The following LDLRAD4 variants were observed in gnomAD, a reference collection of about 807,000 sequenced individuals.
LDLRAD4 encodes the protein low-density lipoprotein receptor class A domain-containing protein 4.
A neutral mutation model predicts 17.0 loss-of-function variants in LDLRAD4; 5 were observed. The ratio of observed to expected loss-of-function variants is 0.29; its 90% CI spans 0.15 to 0.62. The LOEUF is 0.62. Ranked by LOEUF, LDLRAD4 falls within the 20% of genes least tolerant of loss-of-function variation. The pLI, the probability that LDLRAD4 is intolerant of heterozygous loss-of-function variation, is 0.84. For missense variants in LDLRAD4, 340 were observed against 424.7 expected (o/e 0.80, Z 1.75); for synonymous variants, 168 against 171.8 (o/e 0.98, Z 0.17).
At position 13,398,073 on chromosome 18, in the gene LDLRAD4, A is replaced by C. The variant is rs1435109749; in HGVS notation, c.40+10311A>C. ...GACCCTCCTTGAGGACGCAGTGGCC[A>C]GTGGGGGCCACCATGTCAGGGTTGA... is the stretch of plus-strand genomic sequence containing the variant. On this transcript the variant is annotated intron_variant, in intron 2 of 5. Transcript: ENST00000359446. The surrounding 1 kb of genome is among the most constrained non-coding windows in gnomAD (Gnocchi z 4.8). Among the ~76,000 whole-genome samples, 2 of 152,202 alleles carry C rather than the reference A, an allele frequency of 1.3e-5. No homozygotes were observed. The highest frequency in any genetic ancestry group is 4.8e-5 in the African/African-American group (2 of 41,456).
At chr18:13,413,306 T>G (rs962549583) in intron 2 of LDLRAD4, among the ~76,000 whole-genome samples, 3 of 152,254 alleles carry the variant, frequency 2.0e-5, no homozygotes, top group Non-Finnish European at 4.4e-5. Context: ...ACGTGTTCAC[T>G]ACTCACTGAC....
chr18:13,219,742 C>T (rs1241759207), intron 1 of LDLRAD4, among the ~76,000 whole-genome samples: 1 of 152,196 alleles, frequency 6.6e-6, no homozygotes, highest in African/African-American at 2.4e-5. Flanking sequence ...GCCCTTTCTG[C>T]CGGTTTGGCT....
chr18:13,463,438 C>T (rs1236130041), intron 3 of LDLRAD4, among the ~76,000 whole-genome samples: 3 of 152,242 alleles, frequency 2.0e-5, no homozygotes, highest in African/African-American at 7.2e-5. Context: ...GCATTCCCTT[C>T]GTTGCCCTAA....
chr18:13,299,912 C>T (rs2146547631), intron 1 of LDLRAD4, among the ~76,000 whole-genome samples: 1 of 152,258 alleles, frequency 6.6e-6, no homozygotes, highest in African/African-American at 2.4e-5. Context: ...GTGACGTCTG[C>T]ATTGGTGGTG....
At chr18:13,373,929 C>T (rs1599754795) in intron 1 of LDLRAD4, among the ~76,000 whole-genome samples, 2 of 152,036 alleles carry the variant, frequency 1.3e-5, no homozygotes, top group Admixed American at 6.6e-5. Context: ...GTGTACAGTT[C>T]CATTCTTCTT....
At chr18:13,287,387 G>A (rs998988052) in intron 1 of LDLRAD4, among the ~76,000 whole-genome samples, 3 of 152,130 alleles carry the variant, frequency 2.0e-5, no homozygotes, top group Admixed American at 6.5e-5. Flanking sequence ...ACTTTTTAAC[G>A]TTTAGCCCAG....
chr18:13,310,369 G>T (rs966277892), intron 1 of LDLRAD4, among the ~76,000 whole-genome samples: 3 of 151,656 alleles, frequency 2.0e-5, no homozygotes, highest in African/African-American at 7.3e-5. Flanking sequence ...AAAAAAAAAA[G>T]GGAGATATTG....
Position 13,627,864 on chromosome 18 carries a change from G to A in LDLRAD4, c.336+6593G>A, listed in dbSNP as rs533908975. On this transcript the variant is annotated intron_variant, in intron 4 of 5. Transcript: ENST00000359446. ...CGGTGGCCAGAGGGCAGACGGTCCTGGGCAGGTGTCTGACAGCCAGGAGCC... is the reference window on the plus strand; with the variant it reads ...CGGTGGCCAGAGGGCAGACGGTCCTAGGCAGGTGTCTGACAGCCAGGAGCC... Among the ~76,000 whole-genome samples, 54 of 152,338 alleles carry A rather than the reference G, an allele frequency of 3.5e-4. 1 individual carries two copies. Among genetic ancestry groups the A allele is most frequent in the African/African-American group, 1.2e-3 (50 of 41,580 alleles).
chr18:13,477,805 C>T (rs570744246), intron 3 of LDLRAD4, among the ~76,000 whole-genome samples: 1 of 152,318 alleles, frequency 6.6e-6, no homozygotes, highest in South Asian at 2.1e-4. Context: ...GATGCAGGCC[C>T]TGCTGACAGG....
At chr18:13,503,045 T>TA (rs1189213163) in intron 3 of LDLRAD4, among the ~76,000 whole-genome samples, 1 of 152,228 alleles carries the variant, frequency 6.6e-6, no homozygotes, top group African/African-American at 2.4e-5. Context: ...CTGATGGTAT[T>TA]ACATGGAATT....
At chr18:13,610,804 C>T (rs905603605) in intron 3 of LDLRAD4, among the ~76,000 whole-genome samples, 1 of 152,090 alleles carries the variant, frequency 6.6e-6, no homozygotes, top group Admixed American at 6.5e-5. Context: ...CTGAAGCTGC[C>T]TCTTTCTGAG....
chr18:13,468,896 TG>T (rs1371684747), intron 3 of LDLRAD4, among the ~76,000 whole-genome samples: 2 of 151,512 alleles, frequency 1.3e-5, no homozygotes, highest in African/African-American at 4.8e-5. Context: ...ATATACCTAA[TG>T]TTAAATGACG....
chr18:13,258,375 T>A (rs1298975079), intron 1 of LDLRAD4, among the ~76,000 whole-genome samples: 7 of 152,058 alleles, frequency 4.6e-5, no homozygotes, highest in Non-Finnish European at 1.0e-4. Context: ...TTTTTTTTTT[T>A]CTTTTGTTAG....
Position 13,439,813 on chromosome 18 carries a change from C to T in LDLRAD4, c.181+1429C>T, listed in dbSNP as rs183017810. ...ATGAGCAGGCAGCAGGCCAGAGGGT[C>T]GGGAGCCCTGAGGAACCCTGCTTGT... On this transcript the variant is annotated intron_variant, in intron 3 of 5. Coordinates refer to ENST00000359446, the Ensembl canonical transcript of LDLRAD4. Among the ~76,000 whole-genome samples the T allele has an allele frequency of 1.1e-4, 16 of 152,274 alleles. No individual in the cohort carries two copies. The East Asian group carries it at 2.7e-3, about 26-fold the overall frequency.
intron 5 of LDLRAD4, chr18:13,644,850 TC>T: frequency 2.3e-6 from 1 of 435,426 alleles, no homozygotes; most frequent in South Asian, 3.8e-5. Flanking sequence ...GCACAGAAAC[TC>T]CCAGGAGCCC....
At chr18:13,234,467 G>A (rs951028611) in intron 1 of LDLRAD4, among the ~76,000 whole-genome samples, 14 of 147,558 alleles carry the variant, frequency 9.5e-5, no homozygotes, top group African/African-American at 3.5e-4. Flanking sequence ...ACTGTTTGTT[G>A]AATAAACAGA....
chr18:13,323,585 C>T (rs995569463), intron 1 of LDLRAD4, among the ~76,000 whole-genome samples: 1 of 152,180 alleles, frequency 6.6e-6, no homozygotes, highest in Non-Finnish European at 1.5e-5. Flanking sequence ...CAAAACACCC[C>T]TCAGTAACTG....
intron 1 of LDLRAD4, among the ~76,000 whole-genome samples, chr18:13,250,904 A>C (rs1462300831): frequency 6.6e-6 from 1 of 152,248 alleles, no homozygotes; most frequent in Admixed American, 6.5e-5. Flanking sequence ...CCCTGACACA[A>C]AAAGCAAATA....
intron 2 of LDLRAD4, among the ~76,000 whole-genome samples, chr18:13,427,195 T>C (rs573996871): frequency 1.3e-5 from 2 of 150,336 alleles, no homozygotes; most frequent in African/African-American, 4.9e-5. Context: ...AATAAATAAA[T>C]AAACAAACAA....
Sources: allele counts gnomAD v4.1 joint callset (sites outside exome capture counted in the v4.1 genomes callset), GRCh38; gene constraint gnomAD v4.1.1; non-coding constraint Gnocchi (gnomAD v3.1); transcripts MANE v1.5; gene names NCBI Gene and HGNC (gene_info 2026-07-23, HGNC 2026-07-21).